FRMD4A: variants seen among roughly 807,000 people sequenced by gnomAD.
FRMD4A encodes the protein FERM domain containing 4A, also known as FERM domain-containing protein 4A.
In FRMD4A, 29 loss-of-function variants were observed where a neutral mutation model predicts 129.1. The ratio of observed to expected loss-of-function variants is 0.22; its 90% CI spans 0.17 to 0.31. The LOEUF is 0.31. Among genes scored for constraint, FRMD4A ranks in the 10% least tolerant of loss-of-function variants. The pLI is 1.00. For synonymous variants in FRMD4A, 634 were observed against 571.6 expected (o/e 1.11, Z -1.56); for missense variants, 1,272 against 1,375.8 (o/e 0.92, Z 1.19).
rs567093169 is a variant in FRMD4A at position 13,767,324 on chromosome 10, C to T, written c.385-4644G>A. ...TGCAACCTGGGCTCACAGCAACCTC[C>T]GCCTTCTGGGTTCCAGCAATTCTTG... On this transcript the variant is annotated intron_variant, in intron 6 of 24. Transcript: ENST00000357447. 1.8e-3 allele frequency among the ~76,000 whole-genome samples: 267 copies of T among 152,176 alleles called. 3 individuals carry two copies. Among genetic ancestry groups the T allele is most frequent in the Admixed American group, 4.9e-3 (75 of 15,298 alleles).
At chr10:14,309,345 G>A (rs1846460587) in intron 2 of FRMD4A, among the ~76,000 whole-genome samples, 1 of 152,160 alleles carries the variant, frequency 6.6e-6, no homozygotes, top group South Asian at 2.1e-4. Context: ...AGCTACTCAG[G>A]TGGCTGAGGC....
intron 2 of FRMD4A, among the ~76,000 whole-genome samples, chr10:13,971,094 TCACA>T (rs753118088): frequency 2.6e-5 from 4 of 151,638 alleles, no homozygotes; most frequent in South Asian, 4.2e-4. Context: ...ATAGGTACAC[TCACA>T]CACACACACG....
In FRMD4A at chr10:14,076,255, G is replaced by A. The variant is rs144180085; in HGVS notation, c.46-217343C>T. 3.4e-3 allele frequency among the ~76,000 whole-genome samples: 519 copies of A among 152,256 alleles called. 4 individuals carry two copies. The highest frequency in any genetic ancestry group is 6.8e-3 in the Middle Eastern group (2 of 294). ...TTACCAAAGACTTGGGATTTTTCCA[G>A]CATGGTGAAAGATGAAAATGTGCTT... On this transcript the variant is annotated intron_variant, in intron 2 of 24. Transcript: ENST00000357447.
At chr10:14,203,111 C>T (rs932466813) in intron 2 of FRMD4A, among the ~76,000 whole-genome samples, 5 of 152,188 alleles carry the variant, frequency 3.3e-5, no homozygotes, top group African/African-American at 4.8e-5. Flanking sequence ...ATGTCTGACA[C>T]CTCCAGGGCC....
At chr10:14,265,614 G>A (rs944280481) in intron 2 of FRMD4A, among the ~76,000 whole-genome samples, 1 of 152,182 alleles carries the variant, frequency 6.6e-6, no homozygotes, top group Admixed American at 6.5e-5. Flanking sequence ...CAAAACTGAC[G>A]ATTTCTCTAG....
intron 3 of FRMD4A, among the ~76,000 whole-genome samples, chr10:13,829,518 T>C (rs2093757601): frequency 6.6e-6 from 1 of 152,136 alleles, no homozygotes; most frequent in South Asian, 2.1e-4. Context: ...AAAACCAGTG[T>C]TCCCTTGAGT....
chr10:14,118,612 T>C, intron 2 of FRMD4A, among the ~76,000 whole-genome samples: 2 of 152,194 alleles, frequency 1.3e-5, no homozygotes, highest in East Asian at 3.8e-4. Flanking sequence ...CAGTTCCACA[T>C]GGCTATGGAG....
intron 2 of FRMD4A, among the ~76,000 whole-genome samples, chr10:13,983,694 G>A (rs1027558003): frequency 6.6e-6 from 1 of 152,056 alleles, no homozygotes; most frequent in African/African-American, 2.4e-5. Context: ...TGTTAGATCT[G>A]TTAATGTTTC....
chr10:13,656,708 TGCTGTACTGCGAGCC>T lies in FRMD4A; in HGVS notation c.2866_2880del (p.Gly956_Ser960del). 2 of 1,583,274 alleles carry T rather than the reference TGCTGTACTGCGAGCC, an allele frequency of 1.3e-6. No homozygotes were observed. Among genetic ancestry groups the T allele is most frequent in the Non-Finnish European group, 1.7e-6 (2 of 1,166,046 alleles). On this transcript the variant is annotated inframe_deletion, in exon 22 of 25. Transcript: ENST00000357447. ...GCCACGAAGGTGCTCTGGGAGGAGG[TGCTGTACTGCGAGCC>T]GCTGTCCGAGGAGGTGGAGCTGGTG...
intron 2 of FRMD4A, among the ~76,000 whole-genome samples, chr10:13,873,487 G>A (rs1479415610): frequency 1.3e-5 from 2 of 152,132 alleles, no homozygotes; most frequent in African/African-American, 4.8e-5. Flanking sequence ...AGCATTTTTC[G>A]TGCACTACAA....
chr10:14,298,766 C>G (rs1305558200), intron 2 of FRMD4A, among the ~76,000 whole-genome samples: 1 of 152,114 alleles, frequency 6.6e-6, no homozygotes, highest in South Asian at 2.1e-4. Flanking sequence ...GAACGAAGGC[C>G]TCCCAAAGGG....
chr10:13,737,839 C>G lies in FRMD4A; in HGVS notation c.759+5G>C. The stretch of plus-strand genomic sequence containing the variant: ...AGTTAAACCCAAGCAGGAGACCAGC[C>G]TTACCTTTCTTGGCTTCACTTTATC... On this transcript the variant is annotated splice_donor_5th_base_variant and intron_variant, in intron 12 of 24. Coordinates refer to ENST00000357447, the MANE Select transcript of FRMD4A (RefSeq NM_018027.5). The G allele has an allele frequency of 6.5e-7, 1 of 1,540,660 alleles. No individual in the cohort carries two copies. The highest frequency in any genetic ancestry group is 9.0e-7 in the Non-Finnish European group (1 of 1,113,284).
intron 13 of FRMD4A, among the ~76,000 whole-genome samples, chr10:13,706,121 C>A (rs978206150): frequency 2.0e-5 from 3 of 152,148 alleles, no homozygotes; most frequent in African/African-American, 7.2e-5. Flanking sequence ...CCTTCTAAGC[C>A]CAGGGCTGGA....
chr10:13,973,985 A>G (rs912385348), intron 2 of FRMD4A, among the ~76,000 whole-genome samples: 3 of 151,544 alleles, frequency 2.0e-5, no homozygotes, highest in Non-Finnish European at 2.9e-5. Context: ...ACTCTTATCC[A>G]AAGCATGTAA....
chr10:13,967,057 G>T lies in FRMD4A; in HGVS notation c.46-108145C>A, dbSNP rs1198856678. 3.9e-5 allele frequency among the ~76,000 whole-genome samples: 6 copies of T among 152,352 alleles called. No homozygotes were observed. The East Asian group carries it at 1.2e-3, about 29-fold the overall frequency. On this transcript the variant is annotated intron_variant, in intron 2 of 24. Coordinates refer to ENST00000357447, the MANE Select transcript of FRMD4A (RefSeq NM_018027.5). ...CACAGGCGTAAGAATGACACAACGG[G>T]CCGGGCGCGGTGGCTCACGCCTGTA... is the stretch of plus-strand genomic sequence containing the variant.
In FRMD4A at chr10:14,118,526, C is replaced by A. The variant is rs551750110; in HGVS notation, c.45+211532G>T. 3.3e-5 allele frequency among the ~76,000 whole-genome samples: 5 copies of A among 152,218 alleles called. No homozygotes were observed. The East Asian group carries it at 9.7e-4, about 29-fold the overall frequency. On this transcript the variant is annotated intron_variant, in intron 2 of 24. Coordinates refer to ENST00000357447, the MANE Select transcript of FRMD4A (RefSeq NM_018027.5). ...TTGGGCATCAATTCCTGGCTATATT[C>A]GGCTGTTCTCACACTGCTAATAAAG...
At chr10:14,273,354 G>A (rs551917398) in intron 2 of FRMD4A, among the ~76,000 whole-genome samples, 11 of 152,276 alleles carry the variant, frequency 7.2e-5, no homozygotes, top group African/African-American at 2.4e-4. Context: ...GCCAGATTTA[G>A]AAAAGTAGGG....
At chr10:14,172,055 T>C (rs1283636158) in intron 2 of FRMD4A, among the ~76,000 whole-genome samples, 1 of 152,214 alleles carries the variant, frequency 6.6e-6, no homozygotes, top group Non-Finnish European at 1.5e-5. Flanking sequence ...GATTCTCCTC[T>C]TGCCCAGTCA....
chr10:13,662,405 C>T (rs2082702538), intron 19 of FRMD4A, among the ~76,000 whole-genome samples: 1 of 152,158 alleles, frequency 6.6e-6, no homozygotes, highest in Non-Finnish European at 1.5e-5. Flanking sequence ...TGCTTTCCAT[C>T]TGAACAGCCA....
Sources: allele counts gnomAD v4.1 joint callset (sites outside exome capture counted in the v4.1 genomes callset), GRCh38; gene constraint gnomAD v4.1.1; transcripts MANE v1.5; gene names NCBI Gene and HGNC (gene_info 2026-07-23, HGNC 2026-07-21).